The following WRAP73 variants were observed in gnomAD, a reference collection of about 807,000 sequenced individuals.
WRAP73 encodes the protein WD repeat-containing protein WRAP73.
In WRAP73, 55 loss-of-function variants were observed where a neutral mutation model predicts 59.6. That is an observed-to-expected ratio of 0.92 (90% confidence interval 0.74 to 1.15). The LOEUF is 1.15. Among genes scored for constraint, WRAP73 ranks in the 50% most tolerant of loss-of-function variants. WRAP73 has a pLI of 0.00. For missense variants in WRAP73, 592 were observed against 608.1 expected (o/e 0.97, Z 0.28); for synonymous variants, 265 against 258.2 (o/e 1.03, Z -0.25).
In WRAP73 at chr1:3,639,089, A is replaced by G. The variant is rs546051411; in HGVS notation, c.340-267T>C. The stretch of plus-strand genomic sequence containing the variant: ...CAAAGTTAAATCCAAGTGCTTTTTC[A>G]TTAGCTTTTTCAAAGTGACCATAGG... On this transcript the variant is annotated intron_variant, in intron 3 of 11. Coordinates refer to ENST00000270708, the MANE Select transcript of WRAP73 (RefSeq NM_017818.4). This position sits in a 1 kb window ranked among gnomAD's most constrained non-coding sequence, Gnocchi z 4.3. The G allele has an allele frequency of 3.3e-4, 154 of 459,810 alleles. 1 individual carries two copies. The highest frequency in any genetic ancestry group is 3.0e-3 in the African/African-American group (151 of 49,758). 28.5% of individuals were successfully genotyped at this position (459,810 alleles called of 1,614,324 possible).
Position 3,632,353 on chromosome 1 carries a change from G to A in WRAP73, c.923-15C>T. On this transcript the variant is annotated splice_polypyrimidine_tract_variant and intron_variant, in intron 9 of 11. Coordinates refer to ENST00000270708, the MANE Select transcript of WRAP73 (RefSeq NM_017818.4). ...GGCGATCTCATCTAGAACACCAACAGGAAGAACACGCCATTGTCACCCTTT... is the reference window on the plus strand; with the variant it reads ...GGCGATCTCATCTAGAACACCAACAAGAAGAACACGCCATTGTCACCCTTT... The A allele has an allele frequency of 6.2e-7, 1 of 1,614,070 alleles. No individual in the cohort carries two copies. The highest frequency in any genetic ancestry group is 1.3e-5 in the African/African-American group (1 of 75,080).
intron 5 of WRAP73, 82 bp downstream of exon 5, chr1:3,636,913 C>T (rs755756699): frequency 1.2e-4 from 173 of 1,390,670 alleles, no homozygotes; most frequent in Non-Finnish European, 1.7e-4. Flanking sequence ...CCAAAGATCC[C>T]CTGGAATCTG....
intron 3 of WRAP73, among the ~76,000 whole-genome samples, chr1:3,642,301 C>T (rs1305245894): frequency 6.6e-6 from 1 of 152,198 alleles, no homozygotes; most frequent in Non-Finnish European, 1.5e-5. Flanking sequence ...TATTCAAACA[C>T]ACCATAGAAC....
intron 10 of WRAP73, chr1:3,632,001 G>T: frequency 6.9e-7 from 1 of 1,440,560 alleles, no homozygotes. Flanking sequence ...CAGGGTGGAG[G>T]CCTCCTGACT....
At chr1:3,649,863 C>G in intron 1 of WRAP73, 68 bp downstream of exon 1, 1 of 1,524,340 alleles carries the variant, frequency 6.6e-7, no homozygotes. Context: ...CGGCCGCCCC[C>G]GGCCCTGCCC....
intron 3 of WRAP73, among the ~76,000 whole-genome samples, chr1:3,642,491 C>G (rs1417583764): frequency 1.3e-5 from 2 of 152,146 alleles, no homozygotes; most frequent in Non-Finnish European, 2.9e-5. Context: ...GTAATCCCAG[C>G]ACTTTGGGAG....
At chr1:3,638,904 G>T (rs568222603) in intron 3 of WRAP73, 82 bp from the exon 4 acceptor site, 1 of 1,509,986 alleles carries the variant, frequency 6.6e-7, no homozygotes, top group Non-Finnish European at 9.2e-7. Context: ...CCGCCCACGC[G>T]TCCCCAAGCA....
Position 3,633,417 on chromosome 1 carries a change from G to A in WRAP73, c.903C>T (p.Leu301=), listed in dbSNP as rs774572820. Residue 301 remains leucine, a synonymous_variant, in exon 9 of 12, where the codon CTC becomes CTT. Coordinates refer to ENST00000270708, the MANE Select transcript of WRAP73 (RefSeq NM_017818.4). Reference sequence around the variant, plus strand: ...ACTTACATTTACTCTCTGAGCTCGGGAGAGGGCCGGCCCCGGCCCGGGGCG... The same window carrying A: ...ACTTACATTTACTCTCTGAGCTCGGAAGAGGGCCGGCCCCGGCCCGGGGCG... ...FPPPRAGAGP[L]PSSESKYEIA... 2 of 1,612,918 alleles carry A rather than the reference G, an allele frequency of 1.2e-6. No individual in the cohort carries two copies. Among genetic ancestry groups the A allele is most frequent in the South Asian group, 2.2e-5 (2 of 91,086 alleles).
intron 3 of WRAP73, among the ~76,000 whole-genome samples, chr1:3,640,261 C>G (rs1219106466): frequency 1.3e-5 from 2 of 152,262 alleles, no homozygotes; most frequent in Non-Finnish European, 2.9e-5. Flanking sequence ...GCTCCACAAG[C>G]TGAGGCCAAG....
chr1:3,647,543 G>A lies in WRAP73; in HGVS notation c.87C>T (p.Tyr29=), dbSNP rs767345254. 1.9e-6 allele frequency: 3 copies of A among 1,613,098 alleles called. No homozygotes were observed. The highest frequency in any genetic ancestry group is 2.5e-6 in the Non-Finnish European group (3 of 1,179,780). Reference sequence around the variant, plus strand: ...TGTTCACATCCCGGACCACTAACCGGTACTGGACACAGGAAGCCTAAAAAA... The same window carrying A: ...TGTTCACATCCCGGACCACTAACCGATACTGGACACAGGAAGCCTAAAAAA... ...DGKYLASCVQ[Y]RLVVRDVNTL... The change falls in exon 2 of 12, where the codon TAC becomes TAT. Residue 29 remains tyrosine (Y), a synonymous_variant. Transcript: ENST00000270708.
At chr1:3,634,878 C>G in intron 8 of WRAP73, 119 bp downstream of exon 8, 2 of 1,207,218 alleles carry the variant, frequency 1.7e-6, no homozygotes, top group Non-Finnish European at 2.4e-6. Flanking sequence ...AGCAAGTTTA[C>G]GGTGATGGAA....
chr1:3,649,038 G>A (rs1644715878), intron 1 of WRAP73, among the ~76,000 whole-genome samples: 1 of 152,180 alleles, frequency 6.6e-6, no homozygotes, highest in African/African-American at 2.4e-5. Flanking sequence ...GTTAGTACAG[G>A]TGGTGGATAA....
intron 3 of WRAP73, among the ~76,000 whole-genome samples, chr1:3,645,844 A>G (rs1417835336): frequency 6.6e-6 from 1 of 152,180 alleles, no homozygotes; most frequent in Non-Finnish European, 1.5e-5. Context: ...CGGTACCTAC[A>G]GCAGGTGAAT....
chr1:3,643,099 C>T (rs1244657003), intron 3 of WRAP73, among the ~76,000 whole-genome samples: 5 of 152,234 alleles, frequency 3.3e-5, no homozygotes, highest in Non-Finnish European at 7.3e-5. Context: ...GTGACGCACA[C>T]GTCCAGCAGG....
intron 8 of WRAP73, chr1:3,634,603 CA>C (rs1166019535): frequency 3.9e-6 from 1 of 257,040 alleles, no homozygotes; most frequent in African/African-American, 2.2e-5. Context: ...TCTGCAAGTG[CA>C]GGGGTCTGTC....
rs1420814119 is a variant in WRAP73, at chr1:3,646,800, A to G, written c.223-18T>C. On this transcript the variant is annotated intron_variant, in intron 2 of 11. Coordinates refer to ENST00000270708, the MANE Select transcript of WRAP73 (RefSeq NM_017818.4). The surrounding 1 kb of genome is among the most constrained non-coding windows in gnomAD (Gnocchi z 5.1). Reference sequence around the variant, plus strand: ...GACCAGACCTGGATTGAGAGAAGAAAGAAACACACAAGTGCAAACTCATCA... The same window carrying G: ...GACCAGACCTGGATTGAGAGAAGAAGGAAACACACAAGTGCAAACTCATCA... 1 of 1,604,258 alleles carries G rather than the reference A, an allele frequency of 6.2e-7. No individual in the cohort carries two copies. Among genetic ancestry groups the G allele is most frequent in the African/African-American group, 1.3e-5 (1 of 74,398 alleles).
At chr1:3,631,800 T>G in intron 10 of WRAP73, 143 bp from the exon 11 acceptor site, 14 of 1,437,032 alleles carry the variant, frequency 9.7e-6, no homozygotes, top group Non-Finnish European at 1.3e-5. Flanking sequence ...CAGTCTGGGT[T>G]CAGTTGGGCC....
rs1053462361 is a variant in WRAP73 at position 3,635,421 on chromosome 1, G to A, written c.604-127C>T. The A allele has an allele frequency of 6.5e-5, 87 of 1,329,748 alleles. No individual in the cohort carries two copies. In the African/African-American group the frequency reaches 8.6e-4, roughly 13 times the overall value. The allele number at this position is 1,329,748 out of a possible 1,614,324, so 82.4% of individuals were successfully genotyped here. On this transcript the variant is annotated intron_variant, in intron 6 of 11. Transcript: ENST00000270708. ...AGCTGGCAGGACTGTCCGCGTGGCC[G>A]TGGAAAAGCTGGAACTGCCAGCTAG...
At position 3,632,346 on chromosome 1, in the gene WRAP73, A is replaced by G. The variant is rs749055719; in HGVS notation, c.923-8T>C. ...GGACAGAGGCGATCTCATCTAGAACACCAACAGGAAGAACACGCCATTGTC... is the reference window on the plus strand; with the variant it reads ...GGACAGAGGCGATCTCATCTAGAACGCCAACAGGAAGAACACGCCATTGTC... On this transcript the variant is annotated splice_region_variant and splice_polypyrimidine_tract_variant and intron_variant, in intron 9 of 11. Transcript: ENST00000270708. 1 of 1,614,062 alleles carries G rather than the reference A, an allele frequency of 6.2e-7. No individual in the cohort carries two copies.
Sources: gnomAD v4.1 joint callset for allele counts (sites outside exome capture counted in the v4.1 genomes callset) on GRCh38, gnomAD v4.1.1 for gene constraint, Gnocchi (gnomAD v3.1) non-coding constraint, MANE v1.5 for transcripts, NCBI Gene and HGNC (gene_info 2026-07-23, HGNC 2026-07-21) for gene names.